The following CLPB variants were observed in gnomAD, a reference collection of about 807,000 sequenced individuals.
The protein encoded by CLPB is mitochondrial disaggregase.
In CLPB, 40 loss-of-function variants were observed where a neutral mutation model predicts 78.4. The observed-to-expected ratio is 0.51, with a 90% confidence interval of 0.40 to 0.66. CLPB has a LOEUF of 0.66. Among genes scored for constraint, CLPB ranks in the 30% least tolerant of loss-of-function variants. The pLI, the probability that CLPB is intolerant of heterozygous loss-of-function variation, is 0.00. For missense variants in CLPB, 780 were observed against 886.9 expected (o/e 0.88, Z 1.53); for synonymous variants, 333 against 348.0 (o/e 0.96, Z 0.48).
At chr11:72,390,278 A>G (rs1028886514) in intron 3 of CLPB, among the ~76,000 whole-genome samples, 43 of 151,926 alleles carry the variant, frequency 2.8e-4, no homozygotes, top group Non-Finnish European at 6.2e-4. Context: ...TCTCTACTAA[A>G]AATACAAAAA....
In CLPB at chr11:72,322,734, C is replaced by T. The variant is rs975042699; in HGVS notation, c.874-5514G>A. ...AACTTCGATCACTAGGTTAAGGTGG[C>T]GGCTGCCAGGTTTCTTCACTATTTT... is the stretch of plus-strand genomic sequence containing the variant. On this transcript the variant is annotated intron_variant, in intron 6 of 15. Coordinates refer to ENST00000538039, the MANE Select transcript of CLPB (RefSeq NM_001258392.3). Among the ~76,000 whole-genome samples the T allele has an allele frequency of 3.3e-5, 5 of 152,246 alleles. No homozygotes were observed. In the South Asian group the frequency reaches 8.3e-4, roughly 25 times the overall value.
At chr11:72,304,685 A>G (rs1949715560) in intron 9 of CLPB, among the ~76,000 whole-genome samples, 1 of 152,258 alleles carries the variant, frequency 6.6e-6, no homozygotes, top group Non-Finnish European at 1.5e-5. Flanking sequence ...AAGCAGCAAG[A>G]TCTGGAGGTG....
chr11:72,359,789 T>C (rs1412589304), intron 4 of CLPB, among the ~76,000 whole-genome samples: 1 of 152,336 alleles, frequency 6.6e-6, no homozygotes, highest in East Asian at 1.9e-4. Flanking sequence ...CCTTATTACC[T>C]GTAAACATTT....
rs1270429348 is a variant in CLPB, at chr11:72,344,455, G to T, written c.775+14425C>A. ...TCAAACTCCCGGGCTCAAGCCATTT[G>T]TCCACCTCAGCCTCCCAAAGTGGTG... On this transcript the variant is annotated intron_variant, in intron 5 of 15. Coordinates refer to ENST00000538039, the MANE Select transcript of CLPB (RefSeq NM_001258392.3). Among the ~76,000 whole-genome samples, 17 of 151,474 alleles carry T rather than the reference G, an allele frequency of 1.1e-4. 1 individual carries two copies. The highest frequency in any genetic ancestry group is 1.1e-3 in the Admixed American group (17 of 15,156).
chr11:72,317,159 C>T lies in CLPB; in HGVS notation c.935G>A (p.Arg312Gln), dbSNP rs751427024. Residue 312 changes from arginine (R) to glutamine (Q), a missense_variant, in exon 7 of 16, where the codon CGA becomes CAA. By Grantham distance (43) the Arg-to-Gln change is conservative (BLOSUM62 1). Transcript: ENST00000538039. ...CTGGCCAATGATGTGCTCCTTTAGT[C>T]GCTGCTCCAGGGGGAAGCGGCGCCG... is the stretch of plus-strand genomic sequence containing the variant. ...EERRRFPLEQ[R>Q]LKEHIIGQES... 3.7e-6 allele frequency: 6 copies of T among 1,612,388 alleles called. No individual in the cohort carries two copies. The highest frequency in any genetic ancestry group is 2.2e-5 in the South Asian group (2 of 90,818).
intron 1 of CLPB, among the ~76,000 whole-genome samples, chr11:72,433,040 A>C (rs1236982229): frequency 6.6e-6 from 1 of 152,088 alleles, no homozygotes; most frequent in Non-Finnish European, 1.5e-5. Flanking sequence ...CCCGGATCCA[A>C]ATGAGATGCT....
intron 1 of CLPB, among the ~76,000 whole-genome samples, chr11:72,431,387 G>C (rs1856541175): frequency 6.6e-6 from 1 of 152,232 alleles, no homozygotes; most frequent in Non-Finnish European, 1.5e-5. Context: ...CACTGGAGTA[G>C]AGTGAAAGAG....
intron 3 of CLPB, among the ~76,000 whole-genome samples, chr11:72,390,566 A>G (rs1171712824): frequency 6.6e-6 from 1 of 152,230 alleles, no homozygotes; most frequent in Non-Finnish European, 1.5e-5. Flanking sequence ...TACTAGGTAT[A>G]TAAAGAAAAT....
intron 7 of CLPB, among the ~76,000 whole-genome samples, chr11:72,315,277 A>G (rs932599272): frequency 1.3e-5 from 2 of 152,212 alleles, no homozygotes; most frequent in Non-Finnish European, 1.5e-5. Flanking sequence ...TGTGCTGAAT[A>G]GATAGCTGGT....
chr11:72,430,202 T>G, intron 2 of CLPB, 110 bp downstream of exon 2: 1 of 1,018,128 alleles, frequency 9.8e-7, no homozygotes, highest in South Asian at 1.4e-5. Context: ...CAGGGGACAG[T>G]TCCCAGCTTA....
chr11:72,326,833 G>A lies in CLPB; in HGVS notation c.873+2874C>T, dbSNP rs529503143. 7.4e-5 allele frequency among the ~76,000 whole-genome samples: 11 copies of A among 149,576 alleles called. No homozygotes were observed. The South Asian group carries it at 2.1e-3, about 28-fold the overall frequency. On this transcript the variant is annotated intron_variant, in intron 6 of 15. Coordinates refer to ENST00000538039, the MANE Select transcript of CLPB (RefSeq NM_001258392.3). ...AAAGCCTGCCTCACAATTTTGAAGA[G>A]GAAGCTTTTTGCAGTTTGGAGGAAA...
At chr11:72,392,596 GTTTA>G (rs1294678491) in intron 3 of CLPB, among the ~76,000 whole-genome samples, 1 of 152,140 alleles carries the variant, frequency 6.6e-6, no homozygotes, top group Non-Finnish European at 1.5e-5. Flanking sequence ...TGAGGATAAT[GTTTA>G]TTTATTTACT....
chr11:72,308,555 G>A lies in CLPB; in HGVS notation c.1038C>T (p.Val346=). ...NGWYDEEHPL[V]FLFLGSSGIG... ...TTCCAGATGATCCCAAGAAGAGGAA[G>A]ACCAGAGGGTGTTCTTCATCGTACC... is the stretch of plus-strand genomic sequence containing the variant. Residue 346 remains valine (V), a synonymous_variant, in exon 8 of 16, where the codon GTC becomes GTT. Transcript: ENST00000538039. 1 of 1,614,164 alleles carries A rather than the reference G, an allele frequency of 6.2e-7. No individual in the cohort carries two copies. Among genetic ancestry groups the A allele is most frequent in the Non-Finnish European group, 8.5e-7 (1 of 1,180,018 alleles).
At chr11:72,363,455 T>C (rs939059754) in intron 4 of CLPB, 22 of 152,340 alleles carry the variant, frequency 1.4e-4, no homozygotes, top group African/African-American at 4.6e-4. Flanking sequence ...CCATCTAATG[T>C]TATGGAATGT....
intron 3 of CLPB, among the ~76,000 whole-genome samples, chr11:72,382,935 A>G (rs575224150): frequency 1.3e-5 from 2 of 152,220 alleles, no homozygotes; most frequent in African/African-American, 4.8e-5. Flanking sequence ...TTTAGCAAAC[A>G]TTAAGAAAAT....
At chr11:72,334,743 T>C (rs1229142142) in intron 5 of CLPB, among the ~76,000 whole-genome samples, 1 of 152,202 alleles carries the variant, frequency 6.6e-6, no homozygotes, top group Non-Finnish European at 1.5e-5. Context: ...AAGGGCTGGA[T>C]GGAGGTGGGG....
chr11:72,401,913 A>G (rs545456910), intron 3 of CLPB, among the ~76,000 whole-genome samples: 1 of 152,334 alleles, frequency 6.6e-6, no homozygotes, highest in East Asian at 1.9e-4. Flanking sequence ...AGGCAGCATC[A>G]GCACTAGGCT....
rs1949415015 is a variant in CLPB at position 72,288,469 on chromosome 11, A to G, written c.*4898T>C. ...GCACCACCGCACTCCAGCCTGGGCG[A>G]CAGAGCAAGACTCTGTCTCAAAAAA... On this transcript the variant is annotated 3_prime_UTR_variant, in exon 16 of 16. Coordinates refer to ENST00000538039, the MANE Select transcript of CLPB (RefSeq NM_001258392.3). 1 of 152,350 alleles carries G rather than the reference A, an allele frequency of 6.6e-6. No individual in the cohort carries two copies. The highest frequency in any genetic ancestry group is 2.4e-5 in the African/African-American group (1 of 41,432). 9.4% of individuals were successfully genotyped at this position (152,350 alleles called of 1,614,324 possible). A position where few individuals can be genotyped will look rare whatever the true frequency, so the allele number is the denominator to read the frequency against.
At chr11:72,375,230 T>C (rs1363199485) in intron 4 of CLPB, among the ~76,000 whole-genome samples, 4 of 152,142 alleles carry the variant, frequency 2.6e-5, no homozygotes, top group Non-Finnish European at 5.9e-5. Context: ...CCCCTCCAAT[T>C]CCTCCTCCAC....
Sources: gnomAD v4.1 joint callset for allele counts (sites outside exome capture counted in the v4.1 genomes callset) on GRCh38, gnomAD v4.1.1 for gene constraint, MANE v1.5 for transcripts, NCBI Gene and HGNC (gene_info 2026-07-23, HGNC 2026-07-21) for gene names.